The following FXYD5 variants were observed in gnomAD, a reference collection of about 807,000 sequenced individuals.
The protein encoded by FXYD5 is FXYD domain-containing ion transport regulator 5.
FXYD5 carries 21 observed loss-of-function variants against 25.7 expected under a neutral mutation model. That is an observed-to-expected ratio of 0.82 (90% confidence interval 0.58 to 1.18). The LOEUF is 1.18. FXYD5 is among the 50% of genes most tolerant of loss of function. FXYD5 has a pLI of 0.00. For synonymous variants in FXYD5, 101 were observed against 90.7 expected (o/e 1.11, Z -0.64); for missense variants, 229 against 227.7 (o/e 1.01, Z -0.04).
Position 35,166,254 on chromosome 19 carries a change from A to G in FXYD5, c.416A>G (p.Glu139Gly). The G allele has an allele frequency of 6.2e-7, 1 of 1,612,736 alleles. No homozygotes were observed. The highest frequency in any genetic ancestry group is 8.5e-7 in the Non-Finnish European group (1 of 1,178,876). The change falls in exon 8 of 9, where the codon GAA becomes GGA. Residue 139 changes from glutamate (E) to glycine (G), a missense_variant. Coordinates refer to ENST00000392219, the MANE Select transcript of FXYD5 (RefSeq NM_014164.6). ...CCCTTCATTTTTCTCTCTGCAGATG[A>G]ACACACCCTCCGGAAACGGGGGCTG... Reference protein sequence around the residue: ...FHEDDPFFYDEHTLRKRGLLV... With the variant: ...FHEDDPFFYDGHTLRKRGLLV...
chr19:35,156,122 C>T (rs1280493361), intron 2 of FXYD5, among the ~76,000 whole-genome samples: 1 of 152,100 alleles, frequency 6.6e-6, no homozygotes, highest in African/African-American at 2.4e-5. Context: ...TTAGGCTTTG[C>T]CTCTGACAGT....
At chr19:35,164,810 A>T (rs982339716) in intron 6 of FXYD5, among the ~76,000 whole-genome samples, 1 of 152,172 alleles carries the variant, frequency 6.6e-6, no homozygotes, top group Non-Finnish European at 1.5e-5. Flanking sequence ...GCCAGAAAAA[A>T]TCTCTGCCCT....
At chr19:35,168,935 T>G (rs2065474218) in intron 8 of FXYD5, among the ~76,000 whole-genome samples, 2 of 152,028 alleles carry the variant, frequency 1.3e-5, no homozygotes, top group Admixed American at 6.6e-5. Flanking sequence ...TGGTGGCACA[T>G]GCCTGTCATC....
intron 1 of FXYD5, 102 bp from the exon 2 acceptor site, chr19:35,155,449 G>C: frequency 1.0e-6 from 1 of 963,024 alleles, no homozygotes; most frequent in African/African-American, 1.6e-5. Flanking sequence ...GAAGCCAGAG[G>C]TTTTTGCTCA....
chr19:35,164,124 C>T lies in FXYD5; in HGVS notation c.293-32C>T, dbSNP rs778066993. 5.6e-6 allele frequency: 9 copies of T among 1,613,680 alleles called. No individual in the cohort carries two copies. In the African/African-American group the frequency reaches 1.1e-4, roughly 19 times the overall value. On this transcript the variant is annotated intron_variant, in intron 5 of 8. Coordinates refer to ENST00000392219, the MANE Select transcript of FXYD5 (RefSeq NM_014164.6). ...CTTGTTTCTGCCTCCATGGCTCACT[C>T]CTGCCCTCCACTGATCTGGCCACTC...
In FXYD5 at chr19:35,166,231, C is replaced by T. The variant is rs1472842583; in HGVS notation, c.413-20C>T. On this transcript the variant is annotated intron_variant, in intron 7 of 8. Transcript: ENST00000392219. The stretch of plus-strand genomic sequence containing the variant: ...AGGTGAGGTCCGTCTGACTCTACCC[C>T]TTCATTTTTCTCTCTGCAGATGAAC... 2 of 1,611,504 alleles carry T rather than the reference C, an allele frequency of 1.2e-6. No homozygotes were observed. Among genetic ancestry groups the T allele is most frequent in the African/African-American group, 1.3e-5 (1 of 74,966 alleles).
chr19:35,155,477 C>T (rs531847755), intron 1 of FXYD5, 74 bp from the exon 2 acceptor site: 2 of 1,238,734 alleles, frequency 1.6e-6, no homozygotes, highest in South Asian at 1.2e-5. Flanking sequence ...GAAAGGGCTG[C>T]AGGATCCCCG....
chr19:35,167,238 C>T (rs940251822), intron 8 of FXYD5, among the ~76,000 whole-genome samples: 2 of 152,164 alleles, frequency 1.3e-5, no homozygotes, highest in Non-Finnish European at 2.9e-5. Flanking sequence ...GTGCAGTGCC[C>T]TAGGACTAGC....
At chr19:35,166,373 C>A in intron 8 of FXYD5, 48 bp downstream of exon 8, 3 of 1,241,174 alleles carry the variant, frequency 2.4e-6, no homozygotes, top group African/African-American at 1.5e-5. Context: ...AGGAGGGGGA[C>A]TTATGACGGA....
chr19:35,169,541 A>T (rs764702017), intron 8 of FXYD5, 25 bp from the exon 9 acceptor site: 2 of 1,568,964 alleles, frequency 1.3e-6, no homozygotes, highest in African/African-American at 1.3e-5. Context: ...CTAGCTCGTG[A>T]CTGAATCATT....
intron 8 of FXYD5, chr19:35,166,665 A>T (rs530105083): frequency 1.2e-4 from 47 of 395,252 alleles, no homozygotes; most frequent in African/African-American, 9.3e-4. Context: ...TCACTAAGCT[A>T]GCCTGGGCTT....
chr19:35,161,221 A>AATACACACACACACACACACACAC (rs2065401939), intron 5 of FXYD5, among the ~76,000 whole-genome samples: 7 of 38,202 alleles, frequency 1.8e-4, no homozygotes, highest in African/African-American at 7.9e-4. Flanking sequence ...ATTCACCTTA[A>AATACACACACACACACACACACAC]ACACACACAC....
chr19:35,158,698 G>A (rs1414133564), intron 4 of FXYD5, among the ~76,000 whole-genome samples: 1 of 152,196 alleles, frequency 6.6e-6, no homozygotes, highest in Non-Finnish European at 1.5e-5. Context: ...GGGTCAAGGA[G>A]CAGAACTTTG....
At chr19:35,159,690 G>T (rs4806093) in intron 4 of FXYD5, 46 of 1,504,490 alleles carry the variant, frequency 3.1e-5, no homozygotes. Flanking sequence ...AATATTTTGC[G>T]TATGTTAACT....
At chr19:35,156,014 T>C (rs2065351725) in intron 2 of FXYD5, among the ~76,000 whole-genome samples, 1 of 152,200 alleles carries the variant, frequency 6.6e-6, no homozygotes, top group Non-Finnish European at 1.5e-5. Context: ...GTTGGCAACA[T>C]CTCAGCCTTG....
chr19:35,155,715 C>A, intron 2 of FXYD5, 104 bp downstream of exon 2: 1 of 837,994 alleles, frequency 1.2e-6, no homozygotes, highest in Non-Finnish European at 2.0e-6. Flanking sequence ...GTTGTCCTGC[C>A]CTGTCACCCT....
In FXYD5 at chr19:35,157,488, G is replaced by T; in HGVS notation, c.129G>T (p.Pro43=). 1.3e-6 allele frequency: 2 copies of T among 1,546,280 alleles called. No individual in the cohort carries two copies. Among genetic ancestry groups the T allele is most frequent in the Non-Finnish European group, 1.8e-6 (2 of 1,118,756 alleles). ...ADSTIMDIQV[P]TRAPDAVYTE... is the part of the protein sequence containing the mutation. The stretch of plus-strand genomic sequence containing the variant: ...CAACTATCATGGACATTCAGGTCCC[G>T]ACACGAGCCCCAGGTGAGGAAAGGG... Residue 43 remains proline (P), a synonymous_variant, in exon 3 of 9, where the codon CCG becomes CCT. Coordinates refer to ENST00000392219, the MANE Select transcript of FXYD5 (RefSeq NM_014164.6).
At position 35,169,551 on chromosome 19, in the gene FXYD5, T is replaced by G. The variant is rs757729552; in HGVS notation, c.488-15T>G. ...TCACTCTAGCTCGTGACTGAATCAT[T>G]TCCTTCACCCACAGGTGGCAAGTGC... is the stretch of plus-strand genomic sequence containing the variant. On this transcript the variant is annotated splice_polypyrimidine_tract_variant and intron_variant, in intron 8 of 8. Transcript: ENST00000392219. 1 of 1,593,312 alleles carries G rather than the reference T, an allele frequency of 6.3e-7. No individual in the cohort carries two copies. Among genetic ancestry groups the G allele is most frequent in the Admixed American group, 1.7e-5 (1 of 59,998 alleles).
chr19:35,158,328 T>C lies in FXYD5; in HGVS notation c.143-16T>C. Reference sequence around the variant, plus strand: ...CTCTCCTTTTCTCTCCGTGACTCCTTGTTTCTGGACTCCAGATGCAGTCTA... The same window carrying C: ...CTCTCCTTTTCTCTCCGTGACTCCTCGTTTCTGGACTCCAGATGCAGTCTA... On this transcript the variant is annotated splice_polypyrimidine_tract_variant and intron_variant, in intron 3 of 8. Coordinates refer to ENST00000392219, the MANE Select transcript of FXYD5 (RefSeq NM_014164.6). 1 of 1,584,964 alleles carries C rather than the reference T, an allele frequency of 6.3e-7. No individual in the cohort carries two copies. Among genetic ancestry groups the C allele is most frequent in the Non-Finnish European group, 8.7e-7 (1 of 1,153,574 alleles).
Sources: gnomAD v4.1 joint callset for allele counts (sites outside exome capture counted in the v4.1 genomes callset) on GRCh38, gnomAD v4.1.1 for gene constraint, MANE v1.5 for transcripts, NCBI Gene and HGNC (gene_info 2026-07-23, HGNC 2026-07-21) for gene names.